The following LRP5 variants were observed in gnomAD, a reference collection of about 807,000 sequenced individuals.
LRP5 encodes the protein low-density lipoprotein receptor-related protein 5.
In LRP5, 62 loss-of-function variants were observed where a neutral mutation model predicts 154.1. The ratio of observed to expected loss-of-function variants is 0.40; its 90% CI spans 0.33 to 0.50. The LOEUF (loss-of-function observed/expected upper bound fraction) is 0.50. Ranked by LOEUF, LRP5 falls within the 20% of genes least tolerant of loss-of-function variation. The pLI is 0.55. For synonymous variants in LRP5, 966 were observed against 1,011.5 expected (o/e 0.96, Z 0.85); for missense variants, 1,915 against 2,336.7 (o/e 0.82, Z 3.72).
intron 3 of LRP5, among the ~76,000 whole-genome samples, chr11:68,359,786 G>A (rs1259758743): frequency 1.4e-5 from 2 of 147,074 alleles, no homozygotes; most frequent in African/African-American, 5.0e-5. Flanking sequence ...TTGTTTGTTT[G>A]TTTGTTTTTT....
chr11:68,393,723 G>A (rs2098647675), intron 7 of LRP5, among the ~76,000 whole-genome samples: 1 of 152,234 alleles, frequency 6.6e-6, no homozygotes, highest in Admixed American at 6.5e-5. Flanking sequence ...AGAGGTTGCA[G>A]TGAGCCAAGA....
chr11:68,364,386 G>A (rs113928079), intron 4 of LRP5, among the ~76,000 whole-genome samples: 1 of 149,674 alleles, frequency 6.7e-6, no homozygotes, highest in African/African-American at 2.5e-5. Context: ...GTGTGTGTGT[G>A]TGTATGTATT....
rs2098662214 is a variant in LRP5 at position 68,415,773 on chromosome 11, A to G, written c.2828-555A>G. Among the ~76,000 whole-genome samples the G allele has an allele frequency of 4.3e-5, 3 of 70,504 alleles. 1 individual carries two copies. The highest frequency in any genetic ancestry group is 1.0e-4 in the African/African-American group (3 of 29,162). The allele number at this position is 70,504 out of a possible 152,430, so 46.3% of individuals were successfully genotyped here. On this transcript the variant is annotated intron_variant, in intron 12 of 22. Coordinates refer to ENST00000294304, the MANE Select transcript of LRP5 (RefSeq NM_002335.4). ...AATGAATGAATGAATGAATGAATGA[A>G]TGGCAGGGCGTAGTGGCTCACACCT...
intron 10 of LRP5, among the ~76,000 whole-genome samples, chr11:68,411,130 G>C (rs1268850582): frequency 6.6e-6 from 1 of 152,160 alleles, no homozygotes; most frequent in Admixed American, 6.5e-5. Context: ...GCCAAGCTTA[G>C]GTGGATGTTC....
chr11:68,308,261 G>T (rs1223310855), upstream of LRP5, among the ~76,000 whole-genome samples: 1 of 152,194 alleles, frequency 6.6e-6, no homozygotes, highest in Non-Finnish European at 1.5e-5. Flanking sequence ...GGGTTGGGGG[G>T]GGCTCTTGTG....
At chr11:68,313,067 C>T (rs974836537) in intron 1 of LRP5, among the ~76,000 whole-genome samples, 1 of 147,318 alleles carries the variant, frequency 6.8e-6, no homozygotes, top group Admixed American at 6.7e-5. Context: ...AGGTGCGGCG[C>T]GGGCGGGTCC....
chr11:68,425,297 G>T lies in LRP5; in HGVS notation c.3427+5G>T. ...TTGAGAGCTGTGACCTGTCAGGTAC[G>T]CGCCCCGGGGCCTGCCCTAACCGCA... is the stretch of plus-strand genomic sequence containing the variant. On this transcript the variant is annotated splice_donor_5th_base_variant and intron_variant, in intron 15 of 22. Coordinates refer to ENST00000294304, the MANE Select transcript of LRP5 (RefSeq NM_002335.4). 6.2e-7 allele frequency: 1 copy of T among 1,602,344 alleles called. No individual in the cohort carries two copies.
chr11:68,406,883 G>A, intron 9 of LRP5, 70 bp downstream of exon 9: 1 of 1,492,394 alleles, frequency 6.7e-7, no homozygotes, highest in Non-Finnish European at 9.2e-7. Flanking sequence ...CTGCCTCAAA[G>A]GCTTCAGACA....
At chr11:68,421,655 GTGA>G (rs1208546399) in intron 13 of LRP5, among the ~76,000 whole-genome samples, 1 of 152,038 alleles carries the variant, frequency 6.6e-6, no homozygotes, top group Non-Finnish European at 1.5e-5. Flanking sequence ...CCAGATGAAA[GTGA>G]TGATGTCTTT....
At chr11:68,323,839 AT>A (rs2098598138) in intron 1 of LRP5, among the ~76,000 whole-genome samples, 1 of 152,212 alleles carries the variant, frequency 6.6e-6, no homozygotes, top group African/African-American at 2.4e-5. Context: ...CCGGGAGTTC[AT>A]GCACTTGCCA....
intron 1 of LRP5, among the ~76,000 whole-genome samples, chr11:68,341,059 C>CCTTTTTTTTTTTTTTTTTTTTTTTT (rs1555071026): frequency 9.6e-5 from 8 of 83,476 alleles, no homozygotes; most frequent in African/African-American, 2.9e-4. Flanking sequence ...GGAGATTGTT[C>CCTTTTTTTTTTTTTTTTTTTTTTTT]TTTTTTTTTT....
chr11:68,322,052 T>C (rs935912522), intron 1 of LRP5, among the ~76,000 whole-genome samples: 1 of 152,236 alleles, frequency 6.6e-6, no homozygotes, highest in Non-Finnish European at 1.5e-5. Flanking sequence ...TTCTGGGGCT[T>C]GCTTCTGCGG....
rs148708037 is a variant in LRP5, at chr11:68,412,499, G to T, written c.2503+879G>T. 3.3e-5 allele frequency among the ~76,000 whole-genome samples: 5 copies of T among 152,206 alleles called. No homozygotes were observed. In the East Asian group the frequency reaches 9.6e-4, roughly 29 times the overall value. On this transcript the variant is annotated intron_variant, in intron 11 of 22. Coordinates refer to ENST00000294304, the MANE Select transcript of LRP5 (RefSeq NM_002335.4). The stretch of plus-strand genomic sequence containing the variant: ...CTACAAAAAAATTTTTTAAAAATTA[G>T]CTGGGCATGGTGGTTCATGCCTGTA...
chr11:68,405,903 G>A (rs572199199), intron 8 of LRP5, among the ~76,000 whole-genome samples: 1 of 152,258 alleles, frequency 6.6e-6, no homozygotes, highest in South Asian at 2.1e-4. Context: ...GCCCTGAGGG[G>A]CAACTTGCCT....
In LRP5 at chr11:68,448,832, C is replaced by T. The variant is rs753256748; in HGVS notation, c.4610C>T (p.Ala1537Val). ...PYRPYIIRGM[A>V]PPTTPCSTDV... is the part of the protein sequence containing the mutation. ...AGGCCCTACATCATTCGAGGAATGG[C>T]GCCCCCGACGACGCCCTGCAGCACC... Residue 1537 changes from alanine to valine, a missense_variant, in exon 23 of 23, where the codon GCG (alanine) becomes GTG (valine). Coordinates refer to ENST00000294304, the MANE Select transcript of LRP5 (RefSeq NM_002335.4). The T allele has an allele frequency of 6.1e-5, 98 of 1,608,256 alleles. No homozygotes were observed. The highest frequency in any genetic ancestry group is 1.6e-4 in the Middle Eastern group (1 of 6,084).
intron 10 of LRP5, 114 bp downstream of exon 10, chr11:68,410,254 T>A: frequency 1.2e-6 from 1 of 848,740 alleles, no homozygotes; most frequent in Non-Finnish European, 2.0e-6. Flanking sequence ...ATTAGAGCTG[T>A]ACTGACGTCA....
intron 1 of LRP5, among the ~76,000 whole-genome samples, chr11:68,328,645 T>G (rs1308470808): frequency 6.6e-6 from 1 of 152,188 alleles, no homozygotes; most frequent in East Asian, 1.9e-4. Context: ...TGGTGGTAAT[T>G]TGCAGGGTCA....
At chr11:68,428,725 C>T (rs1448696928) in intron 16 of LRP5, among the ~76,000 whole-genome samples, 1 of 147,432 alleles carries the variant, frequency 6.8e-6, no homozygotes, top group Non-Finnish European at 1.5e-5. Flanking sequence ...CTCACAGATT[C>T]TAGGCCTTAA....
intron 9 of LRP5, among the ~76,000 whole-genome samples, chr11:68,409,612 T>C (rs2098658270): frequency 6.6e-6 from 1 of 151,908 alleles, no homozygotes; most frequent in Admixed American, 6.6e-5. Flanking sequence ...TTTGGGAGGC[T>C]GAGGCAGGTG....
Sources: gnomAD v4.1 joint callset for allele counts (sites outside exome capture counted in the v4.1 genomes callset) on GRCh38, gnomAD v4.1.1 for gene constraint, MANE v1.5 for transcripts, NCBI Gene and HGNC (gene_info 2026-07-23, HGNC 2026-07-21) for gene names.